Variants in PEAK1 observed in about 807,000 individuals in gnomAD.
PEAK1 encodes the protein inactive tyrosine-protein kinase PEAK1.
In PEAK1, 54 loss-of-function variants were observed where a neutral mutation model predicts 124.7. The ratio of observed to expected loss-of-function variants is 0.43; its 90% CI spans 0.35 to 0.54. PEAK1 has a LOEUF of 0.54. Among genes scored for constraint, PEAK1 ranks in the 20% least tolerant of loss-of-function variants. PEAK1 has a pLI of 0.01. For missense variants in PEAK1, 2,046 were observed against 2,134.5 expected, an observed-to-expected ratio of 0.96 and a Z score of 0.82; for synonymous variants, 719 against 760.0, an observed-to-expected ratio of 0.95 and a Z score of 0.89.
intron 5 of PEAK1, among the ~76,000 whole-genome samples, chr15:77,254,566 G>A (rs1452469652): frequency 6.6e-6 from 1 of 152,040 alleles, no homozygotes; most frequent in Non-Finnish European, 1.5e-5. Flanking sequence ...TTGAGTAGCT[G>A]AGACTACAGT....
At chr15:77,225,091 G>A (rs534260027) in intron 6 of PEAK1, among the ~76,000 whole-genome samples, 95 of 151,996 alleles carry the variant, frequency 6.3e-4, no homozygotes, top group African/African-American at 2.2e-3. Flanking sequence ...TCTTAGCTTA[G>A]GTTTCAAAAT....
At chr15:77,404,710 GAGA>G in intron 1 of PEAK1, 1 of 942,974 alleles carries the variant, frequency 1.1e-6, no homozygotes, top group Non-Finnish European at 1.3e-6. Context: ...ATGATCATAG[GAGA>G]AGTAGGAGGT....
At chr15:77,130,807 A>G (rs2052791277) in intron 9 of PEAK1, among the ~76,000 whole-genome samples, 2 of 152,314 alleles carry the variant, frequency 1.3e-5, no homozygotes, top group South Asian at 4.1e-4. Context: ...AAAGAGGAGG[A>G]AATTGAGGCT....
chr15:77,120,170 G>C (rs2051780039), intron 9 of PEAK1, among the ~76,000 whole-genome samples: 1 of 152,154 alleles, frequency 6.6e-6, no homozygotes, highest in Admixed American at 6.5e-5. Context: ...TGAAGTGCTG[G>C]TGTTTGGAGT....
At chr15:77,158,223 C>T in intron 8 of PEAK1, 3 of 347,738 alleles carry the variant, frequency 8.6e-6, no homozygotes, top group Non-Finnish European at 1.6e-5. Context: ...TTATATTACA[C>T]TGAAATAATT....
At chr15:77,305,173 G>A (rs1389520176) in intron 2 of PEAK1, among the ~76,000 whole-genome samples, 3 of 83,670 alleles carry the variant, frequency 3.6e-5, no homozygotes, top group African/African-American at 1.0e-4. Context: ...GAGGGAAGAA[G>A]GAAGGAAGGA....
At chr15:77,103,142 T>TTTTTTG (rs1233531352) in exon 7 of PEAK1, 10 of 152,256 alleles carry the variant, frequency 6.6e-5, no homozygotes, top group Non-Finnish European at 1.3e-4. Context: ...TGTCCATGAT[T>TTTTTTG]TTTTTGCTTT....
chr15:77,154,928 T>C (rs1301084116), intron 8 of PEAK1, among the ~76,000 whole-genome samples: 1 of 152,144 alleles, frequency 6.6e-6, no homozygotes, highest in Non-Finnish European at 1.5e-5. Context: ...ATTTTTTCCT[T>C]CATTTCAACT....
At chr15:77,294,155 CA>C (rs767564246) in intron 2 of PEAK1, among the ~76,000 whole-genome samples, 7 of 152,262 alleles carry the variant, frequency 4.6e-5, no homozygotes, top group Non-Finnish European at 8.8e-5. Flanking sequence ...GATAAGACAA[CA>C]GTGTCTTGAT....
At chr15:77,292,965 A>G (rs1180886660) in intron 2 of PEAK1, among the ~76,000 whole-genome samples, 1 of 152,112 alleles carries the variant, frequency 6.6e-6, no homozygotes, top group African/African-American at 2.4e-5. Context: ...ACCTATCAGC[A>G]CTTCAAACTT....
intron 1 of PEAK1, chr15:77,402,592 T>C: frequency 1.0e-6 from 1 of 981,506 alleles, no homozygotes; most frequent in Non-Finnish European, 1.2e-6. Context: ...AAAGATATGC[T>C]CCAGTTTTGA....
intron 6 of PEAK1, among the ~76,000 whole-genome samples, chr15:77,241,398 C>T (rs1163925196): frequency 2.0e-5 from 3 of 152,110 alleles, no homozygotes; most frequent in Admixed American, 6.6e-5. Flanking sequence ...AGACTGACTG[C>T]TTCCTCCTGA....
At chr15:77,205,126 G>T (rs1596599478) in intron 6 of PEAK1, 2 of 271,880 alleles carry the variant, frequency 7.4e-6, no homozygotes, top group Middle Eastern at 6.4e-4. Context: ...CTTATCAGTG[G>T]TCACTATTTC....
chr15:77,129,838 A>C (rs1026139176), intron 9 of PEAK1, among the ~76,000 whole-genome samples: 2 of 152,138 alleles, frequency 1.3e-5, no homozygotes, highest in African/African-American at 4.8e-5. Flanking sequence ...TTCCCTTAGT[A>C]TGGGAAGGGA....
At chr15:77,398,634 T>C (rs776310776) in intron 1 of PEAK1, among the ~76,000 whole-genome samples, 2 of 152,116 alleles carry the variant, frequency 1.3e-5, no homozygotes, top group Non-Finnish European at 2.9e-5. Flanking sequence ...ATAAAAGCCA[T>C]ATATGACGGA....
At chr15:77,414,568 A>T (rs1404139826) in intron 1 of PEAK1, among the ~76,000 whole-genome samples, 3 of 152,106 alleles carry the variant, frequency 2.0e-5, no homozygotes, top group African/African-American at 4.8e-5. Flanking sequence ...TGGTTTGGAC[A>T]AGAAAGAATG....
intron 2 of PEAK1, among the ~76,000 whole-genome samples, chr15:77,321,997 A>G (rs562757324): frequency 5.0e-4 from 76 of 152,358 alleles, no homozygotes; most frequent in African/African-American, 1.7e-3. Flanking sequence ...GCTCGACTAC[A>G]TGGAAACGGA....
chr15:77,102,061 T>C (rs2050699189), exon 7 of PEAK1: 1 of 152,240 alleles, frequency 6.6e-6, no homozygotes, highest in South Asian at 2.1e-4. Context: ...ATGGTGGTCA[T>C]TTCTAGATGG....
chr15:77,262,948 C>T (rs2061519600), intron 5 of PEAK1, among the ~76,000 whole-genome samples: 7 of 152,182 alleles, frequency 4.6e-5, no homozygotes, highest in Admixed American at 3.9e-4. Flanking sequence ...GATTAAGAAA[C>T]TCACTCAAAA....
Sources: gnomAD v4.1 joint callset for allele counts (sites outside exome capture counted in the v4.1 genomes callset) on GRCh38, gnomAD v4.1.1 for gene constraint, MANE v1.5 for transcripts, NCBI Gene and HGNC (gene_info 2026-07-23, HGNC 2026-07-21) for gene names.